The following CHD9 variants were observed in gnomAD, a reference collection of about 807,000 sequenced individuals.
The protein encoded by CHD9 is ATP-dependent chromatin remodeler CHD9.
Under a neutral mutation model 316.1 loss-of-function variants are expected in CHD9, and 77 were observed. That is an observed-to-expected ratio of 0.24 (90% CI 0.20 to 0.29). The LOEUF (loss-of-function observed/expected upper bound fraction) is 0.29. Ranked by LOEUF, CHD9 falls within the 10% of genes least tolerant of loss-of-function variation. The pLI, the probability that CHD9 is intolerant of heterozygous loss-of-function variation, is 1.00. For synonymous variants in CHD9, 1,129 were observed against 1,158.3 expected, an observed-to-expected ratio of 0.97 and a Z score of 0.51; for missense variants, 2,763 against 3,438.1, an observed-to-expected ratio of 0.80 and a Z score of 4.91.
At position 53,318,268 on chromosome 16, in the gene CHD9, C is replaced by G; in HGVS notation, c.7641C>G (p.Pro2547=). 1.2e-6 allele frequency: 2 copies of G among 1,612,914 alleles called. No individual in the cohort carries two copies. Among genetic ancestry groups the G allele is most frequent in the East Asian group, 4.5e-5 (2 of 44,822 alleles). ...AAAAAAGACACCGTTGCAGAAACCCCAATAAACTAGATGTGAATAGTCTCA... is the reference window on the plus strand; with the variant it reads ...AAAAAAGACACCGTTGCAGAAACCCGAATAAACTAGATGTGAATAGTCTCA... ...PKQKRHRCRN[P]NKLDVNSLTG... Residue 2547 remains proline, a synonymous_variant, in exon 37 of 39, where the codon CCC becomes CCG. Coordinates refer to ENST00000447540, the MANE Select transcript of CHD9 (RefSeq NM_001308319.2).
At chr16:53,064,252 A>G (rs1015241112) in intron 1 of CHD9, among the ~76,000 whole-genome samples, 10 of 152,198 alleles carry the variant, frequency 6.6e-5, no homozygotes, top group Non-Finnish European at 1.5e-4. Flanking sequence ...TCTGTGCTCT[A>G]GATTAAACAT....
chr16:53,209,856 G>A, intron 3 of CHD9, 43 bp downstream of exon 3: 1 of 1,345,982 alleles, frequency 7.4e-7, no homozygotes, highest in South Asian at 1.5e-5. Context: ...TCAATGTTCT[G>A]TTAAAGTTCA....
At chr16:53,307,977 G>A (rs771082159) in intron 33 of CHD9, 24 bp downstream of exon 33, 16 of 1,558,536 alleles carry the variant, frequency 1.0e-5, no homozygotes, top group Non-Finnish European at 1.4e-5. Context: ...TATTGCCCTA[G>A]GGCCTGATTG....
At chr16:53,165,860 TA>T (rs1438897103) in intron 2 of CHD9, among the ~76,000 whole-genome samples, 2 of 152,236 alleles carry the variant, frequency 1.3e-5, no homozygotes, top group South Asian at 2.1e-4. Flanking sequence ...ACTTTTGCCC[TA>T]AGCAAAAAGA....
chr16:53,191,516 G>A lies in CHD9; in HGVS notation c.1453-17966G>A, dbSNP rs534661288. On this transcript the variant is annotated intron_variant, in intron 2 of 38. Coordinates refer to ENST00000447540, the MANE Select transcript of CHD9 (RefSeq NM_001308319.2). ...TCCTTTTTGAGAATGCTATGTAAAC[G>A]TTATCATACAGTTTGTAGCCTTTTG... 3.3e-5 allele frequency among the ~76,000 whole-genome samples: 5 copies of A among 152,088 alleles called. 1 individual carries two copies. The highest frequency in any genetic ancestry group is 7.2e-5 in the African/African-American group (3 of 41,510).
intron 2 of CHD9, among the ~76,000 whole-genome samples, chr16:53,190,209 G>T (rs181363338): frequency 6.6e-6 from 1 of 152,186 alleles, no homozygotes; most frequent in East Asian, 1.9e-4. Flanking sequence ...AGATGGTAGA[G>T]GTGGGTGGAG....
chr16:53,075,935 GT>G (rs949544693), intron 1 of CHD9, among the ~76,000 whole-genome samples: 5 of 151,990 alleles, frequency 3.3e-5, no homozygotes, highest in African/African-American at 9.7e-5. Context: ...GTTATTTTCT[GT>G]TTTTTTCAGA....
intron 1 of CHD9, among the ~76,000 whole-genome samples, chr16:53,077,791 C>T (rs1007929587): frequency 6.6e-5 from 10 of 152,048 alleles, no homozygotes; most frequent in African/African-American, 9.7e-5. Context: ...ATATGCAATG[C>T]GACCCAGTGC....
chr16:53,061,977 G>T (rs1232181738), intron 1 of CHD9, among the ~76,000 whole-genome samples: 1 of 152,170 alleles, frequency 6.6e-6, no homozygotes, highest in African/African-American at 2.4e-5. Context: ...CTCAGAATGG[G>T]AAAGGGATTT....
intron 3 of CHD9, among the ~76,000 whole-genome samples, chr16:53,221,433 T>A (rs1217175456): frequency 6.6e-6 from 1 of 152,190 alleles, no homozygotes; most frequent in Non-Finnish European, 1.5e-5. Flanking sequence ...TTCTGATAAA[T>A]CATACCTGAA....
intron 2 of CHD9, among the ~76,000 whole-genome samples, chr16:53,176,381 T>C (rs1286566304): frequency 6.6e-6 from 1 of 152,238 alleles, no homozygotes; most frequent in Non-Finnish European, 1.5e-5. Context: ...CGGGCCTACA[T>C]GGATAATTTA....
chr16:53,098,242 G>A (rs1331651627), intron 1 of CHD9, among the ~76,000 whole-genome samples: 3 of 152,066 alleles, frequency 2.0e-5, no homozygotes, highest in South Asian at 2.1e-4. Flanking sequence ...TTGGGAGGCC[G>A]AGGCGGGTGG....
chr16:53,308,701 T>C lies in CHD9; in HGVS notation c.7069T>C (p.Leu2357=). ...TGTTTAACAGGAAGGTGGTTTGAAG[T>C]TGACATTTCAGAAGCAAGGGCTTGC... ...VKIKDEGGLK[L]TFQKQGLAQK... Residue 2357 remains leucine (L), a synonymous_variant, in exon 34 of 39, where the codon TTG becomes CTG. Coordinates refer to ENST00000447540, the MANE Select transcript of CHD9 (RefSeq NM_001308319.2). 1 of 1,612,464 alleles carries C rather than the reference T, an allele frequency of 6.2e-7. No homozygotes were observed. The highest frequency in any genetic ancestry group is 8.5e-7 in the Non-Finnish European group (1 of 1,179,038).
chr16:53,063,351 A>G (rs1429000164), intron 1 of CHD9, among the ~76,000 whole-genome samples: 8 of 129,952 alleles, frequency 6.2e-5, no homozygotes, highest in Admixed American at 3.0e-4. Flanking sequence ...GCTGCTTCTC[A>G]TAAATTTCAC....
chr16:53,073,119 G>A (rs1394620507), intron 1 of CHD9, among the ~76,000 whole-genome samples: 5 of 152,096 alleles, frequency 3.3e-5, no homozygotes, highest in Non-Finnish European at 7.4e-5. Flanking sequence ...CTCTGTACCC[G>A]TTAAACACTA....
At chr16:53,168,525 A>C (rs1597254538) in intron 2 of CHD9, 1 of 152,282 alleles carries the variant, frequency 6.6e-6, no homozygotes, top group Admixed American at 6.5e-5. Context: ...GATAGCTACT[A>C]ATGGTTTAGT....
At chr16:53,250,129 T>C in intron 17 of CHD9, 63 bp downstream of exon 17, 7 of 1,148,968 alleles carry the variant, frequency 6.1e-6, no homozygotes, top group Non-Finnish European at 8.8e-6. Context: ...GTGTAACTTT[T>C]TGGTAATCCA....
intron 2 of CHD9, among the ~76,000 whole-genome samples, chr16:53,177,922 C>T (rs527892646): frequency 1.3e-5 from 2 of 152,172 alleles, no homozygotes; most frequent in Non-Finnish European, 2.9e-5. Context: ...CCCAAGAGGC[C>T]TCATGAATAC....
chr16:53,283,152 C>T (rs2053567425), intron 24 of CHD9, among the ~76,000 whole-genome samples: 1 of 152,124 alleles, frequency 6.6e-6, no homozygotes, highest in African/African-American at 2.4e-5. Context: ...TTGACTCAGC[C>T]TTTCATAACC....
Sources: allele counts gnomAD v4.1 joint callset (sites outside exome capture counted in the v4.1 genomes callset), GRCh38; gene constraint gnomAD v4.1.1; transcripts MANE v1.5; gene names NCBI Gene and HGNC (gene_info 2026-07-23, HGNC 2026-07-21).